The following ELAVL4 variants were observed in gnomAD, a reference collection of about 807,000 sequenced individuals.
ELAVL4 encodes ELAV like RNA binding protein 4.
A neutral mutation model predicts 35.6 loss-of-function variants in ELAVL4; 1 was observed. That is an observed-to-expected ratio of 0.03 (90% CI 0.01 to 0.13). The LOEUF (loss-of-function observed/expected upper bound fraction) is 0.13, where lower values mean the gene tolerates loss of function less well. Among genes scored for constraint, ELAVL4 ranks in the 10% least tolerant of loss-of-function variants. The pLI, the probability that ELAVL4 is intolerant of heterozygous loss-of-function variation, is 1.00. For missense variants in ELAVL4, 267 were observed against 464.9 expected (o/e 0.57, Z 3.91); for synonymous variants, 156 against 171.0 (o/e 0.91, Z 0.69).
rs191441119 is a variant in ELAVL4, at chr1:50,176,430, C to G, written c.251-659C>G. Reference sequence around the variant, plus strand: ...TCCAGTCTTTGCTACTCAAGTCTTGCTACATCCCTCTGAATGTGGGTGTGG... The same window carrying G: ...TCCAGTCTTTGCTACTCAAGTCTTGGTACATCCCTCTGAATGTGGGTGTGG... On this transcript the variant is annotated intron_variant, in intron 2 of 6. Transcript: ENST00000371824. Among the ~76,000 whole-genome samples the G allele has an allele frequency of 5.3e-5, 8 of 152,330 alleles. No homozygotes were observed. In the East Asian group the frequency reaches 1.5e-3, roughly 29 times the overall value.
chr1:50,176,153 G>A (rs563647204), intron 2 of ELAVL4, among the ~76,000 whole-genome samples: 55 of 152,246 alleles, frequency 3.6e-4, no homozygotes, highest in African/African-American at 1.3e-3. Flanking sequence ...TTTCACTTGG[G>A]GGGAGCCCTG....
At chr1:50,163,810 A>G (rs866004303) in intron 2 of ELAVL4, among the ~76,000 whole-genome samples, 4 of 152,264 alleles carry the variant, frequency 2.6e-5, no homozygotes, top group Middle Eastern at 3.4e-3. Flanking sequence ...TAGGTGACAG[A>G]GTGAGATTCA....
rs869079677 is a variant in ELAVL4 at position 50,118,502 on chromosome 1, AAG to A, written c.9+9316_9+9317del. On this transcript the variant is annotated intron_variant, in intron 1 of 6. Coordinates refer to ENST00000371824, the MANE Select transcript of ELAVL4 (RefSeq NM_001144774.3). ...TACCCTCCCATTTGAAGGAAAAAAA[AAG>A]AGAGAGAGAGAAAAGAGGAAAACAA... 2.1e-3 allele frequency among the ~76,000 whole-genome samples: 243 copies of A among 116,506 alleles called. 1 individual carries two copies. Among genetic ancestry groups the A allele is most frequent in the African/African-American group, 9.4e-3 (225 of 24,040 alleles). 76.4% of individuals were successfully genotyped at this position (116,506 alleles called of 152,430 possible).
At chr1:50,141,341 T>C (rs1313135045) in intron 1 of ELAVL4, among the ~76,000 whole-genome samples, 1 of 152,198 alleles carries the variant, frequency 6.6e-6, no homozygotes, top group African/African-American at 2.4e-5. Context: ...TTTCTAAAGA[T>C]TGTGGGCCTG....
chr1:50,133,333 C>G (rs948706069), intron 1 of ELAVL4, among the ~76,000 whole-genome samples: 5 of 152,062 alleles, frequency 3.3e-5, no homozygotes, highest in Non-Finnish European at 5.9e-5. Flanking sequence ...TTTCTAGTTT[C>G]CATGTAAACA....
chr1:50,155,347 G>A (rs1449669715), intron 2 of ELAVL4, among the ~76,000 whole-genome samples: 5 of 151,926 alleles, frequency 3.3e-5, no homozygotes, highest in African/African-American at 1.2e-4. Context: ...TCCCACCACT[G>A]GCCCTGTAGC....
intron 1 of ELAVL4, among the ~76,000 whole-genome samples, chr1:50,069,983 A>G (rs1261249859): frequency 6.6e-6 from 1 of 152,190 alleles, no homozygotes; most frequent in Non-Finnish European, 1.5e-5. Context: ...AATATCTTCT[A>G]TAAAATTCTG....
At chr1:50,150,572 T>C (rs1674600636) in intron 2 of ELAVL4, among the ~76,000 whole-genome samples, 1 of 152,174 alleles carries the variant, frequency 6.6e-6, no homozygotes, top group Admixed American at 6.5e-5. Flanking sequence ...TATTAGAGCA[T>C]CTAGGCTTTG....
At chr1:50,198,584 A>G (rs566117810) in intron 6 of ELAVL4, among the ~76,000 whole-genome samples, 12 of 152,226 alleles carry the variant, frequency 7.9e-5, no homozygotes, top group Non-Finnish European at 1.6e-4. Flanking sequence ...ACTATGAATT[A>G]TCTCCACATT....
At chr1:50,153,950 G>T (rs1675261216) in intron 2 of ELAVL4, among the ~76,000 whole-genome samples, 2 of 152,210 alleles carry the variant, frequency 1.3e-5, no homozygotes, top group Non-Finnish European at 2.9e-5. Context: ...AACCATGCTA[G>T]CACCCTGATC....
intron 1 of ELAVL4, among the ~76,000 whole-genome samples, chr1:50,126,529 T>C (rs1488554530): frequency 2.0e-5 from 3 of 152,152 alleles, no homozygotes; most frequent in Admixed American, 6.6e-5. Context: ...ATAAACCTAA[T>C]TGATGCTCTG....
Position 50,203,208 on chromosome 1 carries a change from T to C in ELAVL4, c.*2030T>C, listed in dbSNP as rs1644453048. On this transcript the variant is annotated 3_prime_UTR_variant, in exon 7 of 7. Coordinates refer to ENST00000371824, the MANE Select transcript of ELAVL4 (RefSeq NM_001144774.3). ...GGTAATAAAACGTTATGGTTATTTA[T>C]AACTTGTGCTTATTTTGTGCATTTT... The C allele has an allele frequency of 6.6e-6, 1 of 152,210 alleles. No individual in the cohort carries two copies. The highest frequency in any genetic ancestry group is 2.1e-4 in the South Asian group (1 of 4,834). The allele number at this position is 152,210 out of a possible 1,614,324, so 9.4% of individuals were successfully genotyped here. A position where few individuals can be genotyped will look rare whatever the true frequency, so the allele number is the denominator to read the frequency against.
Position 50,109,015 on chromosome 1 carries a change from TCCC to T in ELAVL4, c.-172_-170del. Reference sequence around the variant, plus strand: ...GCTCCTTTTCTTTTTTTTCTTTCTCTCCCCCGCCCACCCCCCCAAAAATAATTG... The same window carrying T: ...GCTCCTTTTCTTTTTTTTCTTTCTCTCCGCCCACCCCCCCAAAAATAATTG... On this transcript the variant is annotated 5_prime_UTR_variant, in exon 1 of 7. Transcript: ENST00000371824. 5.7e-5 allele frequency: 55 copies of T among 960,740 alleles called. No individual in the cohort carries two copies. The highest frequency in any genetic ancestry group is 1.2e-4 in the East Asian group (1 of 8,200). The allele number at this position is 960,740 out of a possible 1,614,324, so 59.5% of individuals were successfully genotyped here.
At chr1:50,082,690 G>A (rs922428374) in intron 1 of ELAVL4, among the ~76,000 whole-genome samples, 1 of 152,124 alleles carries the variant, frequency 6.6e-6, no homozygotes, top group Non-Finnish European at 1.5e-5. Context: ...CTCCATTAGA[G>A]CACTCTTTTT....
At chr1:50,188,760 T>A (rs955306388) in intron 3 of ELAVL4, among the ~76,000 whole-genome samples, 7 of 152,182 alleles carry the variant, frequency 4.6e-5, no homozygotes, top group South Asian at 2.1e-4. Flanking sequence ...GAGCCTCACA[T>A]GCCCATTTCT....
intron 1 of ELAVL4, among the ~76,000 whole-genome samples, chr1:50,059,447 A>G (rs951536191): frequency 6.6e-6 from 1 of 152,152 alleles, no homozygotes; most frequent in Non-Finnish European, 1.5e-5. Context: ...ATAGCCAGCA[A>G]ACACATAAAA....
intron 1 of ELAVL4, among the ~76,000 whole-genome samples, chr1:50,090,218 G>C (rs1328698874): frequency 6.6e-6 from 1 of 152,142 alleles, no homozygotes; most frequent in Admixed American, 6.6e-5. Flanking sequence ...TCTATCTCAA[G>C]TTTGTTGTAA....
chr1:50,165,752 A>ATATG (rs1677741474), intron 2 of ELAVL4, among the ~76,000 whole-genome samples: 1 of 31,098 alleles, frequency 3.2e-5, no homozygotes, highest in Admixed American at 4.7e-4. Flanking sequence ...ATATACATAT[A>ATATG]TGTGTATATG....
chr1:50,075,619 G>A (rs1177630296), intron 1 of ELAVL4, among the ~76,000 whole-genome samples: 1 of 152,120 alleles, frequency 6.6e-6, no homozygotes, highest in African/African-American at 2.4e-5. Context: ...TGGGTTTTTT[G>A]TATCATGCCA....
Sources: gnomAD v4.1 joint callset for allele counts (sites outside exome capture counted in the v4.1 genomes callset) on GRCh38, gnomAD v4.1.1 for gene constraint, MANE v1.5 for transcripts, NCBI Gene and HGNC (gene_info 2026-07-23, HGNC 2026-07-21) for gene names.